Variants in GM2A observed in about 807,000 individuals in gnomAD.
The protein encoded by GM2A is GM2 ganglioside activator.
In GM2A, 7 loss-of-function variants were observed where a neutral mutation model predicts 12.9. That is an observed-to-expected ratio of 0.54 (90% CI 0.31 to 1.02). The LOEUF is 1.02. Ranked by LOEUF, GM2A falls within the 50% of genes least tolerant of loss-of-function variation. The pLI is 0.05. For missense variants in GM2A, 246 were observed against 241.0 expected, an observed-to-expected ratio of 1.02 and a Z score of -0.14; for synonymous variants, 101 against 96.0, an observed-to-expected ratio of 1.05 and a Z score of -0.30.
rs184763035 is a variant in GM2A at position 151,268,080 on chromosome 5, C to T, written c.*629C>T. 1.1e-4 allele frequency: 105 copies of T among 995,610 alleles called. No homozygotes were observed. In the Middle Eastern group the frequency reaches 1.6e-3, roughly 15 times the overall value. The allele number at this position is 995,610 out of a possible 1,614,324, so 61.7% of individuals were successfully genotyped here. The stretch of plus-strand genomic sequence containing the variant: ...TCTGTTGTTTACAAACTCAGGTACC[C>T]GCAGGGCCTAGCAAGAGACTTAAAT... On this transcript the variant is annotated 3_prime_UTR_variant, in exon 4 of 4. Coordinates refer to ENST00000357164, the MANE Select transcript of GM2A (RefSeq NM_000405.5).
chr5:151,267,203 G>C (rs1753903737), intron 3 of GM2A, 93 bp from the exon 4 acceptor site: 1 of 1,499,360 alleles, frequency 6.7e-7, no homozygotes, highest in Non-Finnish European at 9.2e-7. Context: ...GAAGAGGGGT[G>C]GTAGTTCATG....
rs6884764 is a variant in GM2A, at chr5:151,264,076, C to A, written c.244-2655C>A. On this transcript the variant is annotated intron_variant, in intron 2 of 3. Coordinates refer to ENST00000357164, the MANE Select transcript of GM2A (RefSeq NM_000405.5). ...CTCCCTCAAGTTCCAGCCTGTGGGA[C>A]CCTGGTTTTCCCATCCTCAAGAACT... Among the ~76,000 whole-genome samples, 4 of 152,060 alleles carry A rather than the reference C, an allele frequency of 2.6e-5. No homozygotes were observed. The East Asian group carries it at 7.7e-4, about 29-fold the overall frequency.
rs375238641 is a variant in GM2A at position 151,267,315 on chromosome 5, A to G, written c.446A>G (p.Lys149Arg). The change falls in exon 4 of 4, where the codon AAG (lysine) becomes AGG (arginine). Residue 149 changes from lysine to arginine, a missense_variant. Coordinates refer to ENST00000357164, the MANE Select transcript of GM2A (RefSeq NM_000405.5). ...PFKEGTYSLP[K>R]SEFVVPDLEL... ...CCGCAGGGAACCTACTCACTGCCCA[A>G]GAGCGAATTCGTTGTGCCTGACCTG... is the stretch of plus-strand genomic sequence containing the variant. 11 of 1,614,060 alleles carry G rather than the reference A, an allele frequency of 6.8e-6. No homozygotes were observed. Among genetic ancestry groups the G allele is most frequent in the Middle Eastern group, 1.6e-4 (1 of 6,084 alleles).
chr5:151,263,215 C>T (rs1753830089), intron 2 of GM2A, among the ~76,000 whole-genome samples: 1 of 151,012 alleles, frequency 6.6e-6, no homozygotes, highest in Non-Finnish European at 1.5e-5. Flanking sequence ...GCGTCAGCCT[C>T]CAGAGTAGCT....
chr5:151,269,215 T>G lies in GM2A; in HGVS notation c.*1764T>G. On this transcript the variant is annotated 3_prime_UTR_variant, in exon 4 of 4. Coordinates refer to ENST00000357164, the MANE Select transcript of GM2A (RefSeq NM_000405.5). The stretch of plus-strand genomic sequence containing the variant: ...TTCTGGGCTCATTTGAAGCCTGGAA[T>G]AGCAATAAATCTTTTTAACTTGCGG... The G allele has an allele frequency of 3.0e-6, 3 of 985,440 alleles. No individual in the cohort carries two copies. Among genetic ancestry groups the G allele is most frequent in the Non-Finnish European group, 3.6e-6 (3 of 829,936 alleles). 61.0% of individuals were successfully genotyped at this position (985,440 alleles called of 1,614,324 possible).
rs200856540 is a variant in GM2A at position 151,268,722 on chromosome 5, A to T, written c.*1271A>T. 1 of 588,130 alleles carries T rather than the reference A, an allele frequency of 1.7e-6. No homozygotes were observed. Among genetic ancestry groups the T allele is most frequent in the Non-Finnish European group, 2.1e-6 (1 of 469,792 alleles). The allele number at this position is 588,130 out of a possible 1,614,324, so 36.4% of individuals were successfully genotyped here. ...ATGTTTACTCCTAGAGAAGCCAAAA[A>T]TCCAGATTTGTATATGAAATCTTAC... On this transcript the variant is annotated 3_prime_UTR_variant, in exon 4 of 4. Transcript: ENST00000357164.
rs1753933093 is a variant in GM2A, at chr5:151,268,179, C to T, written c.*728C>T. The stretch of plus-strand genomic sequence containing the variant: ...TTTTTCGCTTTTTTTTTTTTTGAGA[C>T]AGAATCTCACTTTGTCACCAGGCTG... On this transcript the variant is annotated 3_prime_UTR_variant, in exon 4 of 4. Coordinates refer to ENST00000357164, the MANE Select transcript of GM2A (RefSeq NM_000405.5). 3.8e-6 allele frequency: 3 copies of T among 784,470 alleles called. No homozygotes were observed. Among genetic ancestry groups the T allele is most frequent in the African/African-American group, 2.2e-5 (1 of 45,888 alleles). 48.6% of individuals were successfully genotyped at this position (784,470 alleles called of 1,614,324 possible). A position where few individuals can be genotyped will look rare whatever the true frequency, so the allele number is the denominator to read the frequency against.
chr5:151,255,868 A>G (rs152266), intron 1 of GM2A, among the ~76,000 whole-genome samples: 66,538 of 151,902 alleles, frequency 0.44, 15,127 homozygotes, highest in East Asian at 0.62. Context: ...TCACCCTACA[A>G]ACTTGTTGTA....
intron 2 of GM2A, among the ~76,000 whole-genome samples, chr5:151,262,415 T>C (rs1261445321): frequency 6.6e-6 from 1 of 152,232 alleles, no homozygotes; most frequent in Non-Finnish European, 1.5e-5. Context: ...CCTTGAGCAA[T>C]ACCTGAGTTA....
At chr5:151,262,999 G>T (rs1285645742) in intron 2 of GM2A, among the ~76,000 whole-genome samples, 1 of 151,668 alleles carries the variant, frequency 6.6e-6, no homozygotes, top group East Asian at 1.9e-4. Flanking sequence ...CATAAATTTG[G>T]GCCTACATAA....
In GM2A at chr5:151,254,605, G is replaced by A. The variant is rs768388168; in HGVS notation, c.81+1308G>A. ...GCTCCTTAACTTTCCATGAGGTTAT[G>A]TTCTGATAAACCCATCATAAGTTGA... On this transcript the variant is annotated intron_variant, in intron 1 of 3. Transcript: ENST00000357164. 6.2e-4 allele frequency among the ~76,000 whole-genome samples: 94 copies of A among 152,204 alleles called. 7 individuals are homozygous for A. The highest frequency in any genetic ancestry group is 2.1e-4 in the Non-Finnish European group (14 of 68,030).
Position 151,269,031 on chromosome 5 carries a change from C to G in GM2A, c.*1580C>G, listed in dbSNP as rs1203457523. 1.0e-6 allele frequency: 1 copy of G among 985,316 alleles called. No homozygotes were observed. The highest frequency in any genetic ancestry group is 6.1e-5 in the Admixed American group (1 of 16,262). 61.0% of individuals were successfully genotyped at this position (985,316 alleles called of 1,614,324 possible). A position where few individuals can be genotyped will look rare whatever the true frequency, so the allele number is the denominator to read the frequency against. On this transcript the variant is annotated 3_prime_UTR_variant, in exon 4 of 4. Transcript: ENST00000357164. The stretch of plus-strand genomic sequence containing the variant: ...AGGCTGCCTGCCTCAGTCTTGGAGT[C>G]CTGTTGGGTGAATGAGGCAGATGGG...
rs566253246 is a variant in GM2A at position 151,258,876 on chromosome 5, AG to A, written c.82-877del. On this transcript the variant is annotated intron_variant, in intron 1 of 3. Transcript: ENST00000357164. ...GGAGGGCATGCCAACAGTCTCTCAT[AG>A]GTGGCCTCCAGGGGGCTGGGAGAGG... Among the ~76,000 whole-genome samples, 5 of 152,216 alleles carry A rather than the reference AG, an allele frequency of 3.3e-5. No homozygotes were observed. In the South Asian group the frequency reaches 1.0e-3, roughly 32 times the overall value.
intron 1 of GM2A, among the ~76,000 whole-genome samples, chr5:151,256,348 C>T (rs1456590955): frequency 6.6e-6 from 1 of 151,968 alleles, no homozygotes; most frequent in East Asian, 1.9e-4. Context: ...CCCTATAATC[C>T]AGCACTGTGG....
At chr5:151,256,366 AG>A (rs1753685707) in intron 1 of GM2A, among the ~76,000 whole-genome samples, 1 of 152,176 alleles carries the variant, frequency 6.6e-6, no homozygotes, top group Non-Finnish European at 1.5e-5. Flanking sequence ...TGGGAGACCA[AG>A]GCAGGCAAAT....
chr5:151,264,719 C>T (rs994058553), intron 2 of GM2A, among the ~76,000 whole-genome samples: 1 of 152,124 alleles, frequency 6.6e-6, no homozygotes, highest in African/African-American at 2.4e-5. Flanking sequence ...GTGCTTCATG[C>T]CTGTAATCCC....
At chr5:151,267,089 G>A (rs1408371049) in intron 3 of GM2A, 176 bp downstream of exon 3, 38 of 839,436 alleles carry the variant, frequency 4.5e-5, no homozygotes, top group Non-Finnish European at 6.4e-5. Flanking sequence ...TACGAAATGG[G>A]AGACTTGAAC....
chr5:151,261,542 G>A (rs1324466481), intron 2 of GM2A, among the ~76,000 whole-genome samples: 1 of 152,196 alleles, frequency 6.6e-6, no homozygotes, highest in Non-Finnish European at 1.5e-5. Context: ...GGGTTCAAGC[G>A]ATTCTCCTGT....
intron 2 of GM2A, among the ~76,000 whole-genome samples, chr5:151,260,838 C>G (rs893933751): frequency 6.6e-6 from 1 of 152,114 alleles, no homozygotes; most frequent in Non-Finnish European, 1.5e-5. Context: ...AGTGTTTGCT[C>G]TTTATATATC....
Sources: allele counts gnomAD v4.1 joint callset (sites outside exome capture counted in the v4.1 genomes callset), GRCh38; gene constraint gnomAD v4.1.1; transcripts MANE v1.5; gene names NCBI Gene and HGNC (gene_info 2026-07-23, HGNC 2026-07-21).